Variants in NEK11 observed in about 807,000 individuals in gnomAD.
NEK11 encodes NIMA related kinase 11, also known as serine/threonine-protein kinase Nek11.
Under a neutral mutation model 80.7 loss-of-function variants are expected in NEK11, and 72 were observed. The observed-to-expected ratio is 0.89, with a 90% CI of 0.74 to 1.08. The LOEUF is 1.08. Ranked by LOEUF, NEK11 falls within the 50% of genes least tolerant of loss-of-function variation. The pLI is 0.00. For missense variants in NEK11, 764 were observed against 763.6 expected (o/e 1.00, Z -0.01); for synonymous variants, 251 against 260.7 (o/e 0.96, Z 0.36).
At chr3:131,160,557 A>T in intron 10 of NEK11, among the ~76,000 whole-genome samples, 1 of 152,198 alleles carries the variant, frequency 6.6e-6, no homozygotes, top group Non-Finnish European at 1.5e-5. Flanking sequence ...CATCATGATG[A>T]CAGGATTAAA....
At chr3:131,261,987 G>T (rs1164320109) in intron 16 of NEK11, among the ~76,000 whole-genome samples, 1 of 151,770 alleles carries the variant, frequency 6.6e-6, no homozygotes, top group Non-Finnish European at 1.5e-5. Context: ...AAACAATAAA[G>T]GATGTCAGTG....
At chr3:131,213,319 C>G (rs72989875) in intron 14 of NEK11, among the ~76,000 whole-genome samples, 13,962 of 152,084 alleles carry the variant, frequency 0.092, 2,075 homozygotes, top group African/African-American at 0.31. Context: ...TCCAGATGGC[C>G]GGTTAACAGA....
At chr3:131,285,976 C>T (rs2096465490) in intron 17 of NEK11, among the ~76,000 whole-genome samples, 1 of 152,264 alleles carries the variant, frequency 6.6e-6, no homozygotes, top group Non-Finnish European at 1.5e-5. Flanking sequence ...CTTCTCAGAG[C>T]CTCAGTTTCT....
At chr3:131,215,366 T>C (rs2094796658) in intron 14 of NEK11, among the ~76,000 whole-genome samples, 2 of 151,860 alleles carry the variant, frequency 1.3e-5, no homozygotes, top group South Asian at 4.1e-4. Flanking sequence ...GGCACACGTA[T>C]ACATATGTAA....
intron 4 of NEK11, among the ~76,000 whole-genome samples, chr3:131,108,750 G>A (rs1436175644): frequency 3.3e-5 from 5 of 151,916 alleles, no homozygotes; most frequent in African/African-American, 7.3e-5. Flanking sequence ...TTAACTAAAT[G>A]CTTAAACGAT....
chr3:131,179,651 T>A (rs1332691381), intron 14 of NEK11, among the ~76,000 whole-genome samples: 1 of 152,208 alleles, frequency 6.6e-6, no homozygotes, highest in Non-Finnish European at 1.5e-5. Flanking sequence ...AGTTTGATAT[T>A]CTTATTGGAA....
chr3:131,199,291 G>A (rs2094142917), intron 14 of NEK11, among the ~76,000 whole-genome samples: 1 of 151,858 alleles, frequency 6.6e-6, no homozygotes, highest in Admixed American at 6.6e-5. Flanking sequence ...ATGAGCAGAG[G>A]AAATTACCAA....
intron 7 of NEK11, among the ~76,000 whole-genome samples, chr3:131,138,927 T>C (rs1030787400): frequency 2.0e-5 from 3 of 152,070 alleles, no homozygotes; most frequent in African/African-American, 4.8e-5. Context: ...CAAGCCCAGA[T>C]GGTGAATACT....
rs1030026379 is a variant in NEK11, at chr3:131,121,622, G to A, written c.456-11123G>A. The stretch of plus-strand genomic sequence containing the variant: ...AGGCAGGCAGGCCTCCTTGAACTCC[G>A]GTGGGCTCCACCCAGTTTGAGCTTC... On this transcript the variant is annotated intron_variant, in intron 5 of 17. Transcript: ENST00000383366. Among the ~76,000 whole-genome samples, 9 of 152,282 alleles carry A rather than the reference G, an allele frequency of 5.9e-5. No homozygotes were observed. The South Asian group carries it at 6.2e-4, about 11-fold the overall frequency.
intron 17 of NEK11, among the ~76,000 whole-genome samples, chr3:131,290,918 A>G (rs760358333): frequency 1.3e-5 from 2 of 152,202 alleles, no homozygotes; most frequent in African/African-American, 2.4e-5. Context: ...ATTTGTTGCA[A>G]CTGATGAACC....
chr3:131,297,916 A>G (rs1184185162), intron 17 of NEK11, among the ~76,000 whole-genome samples: 13 of 152,254 alleles, frequency 8.5e-5, no homozygotes, highest in African/African-American at 3.1e-4. Flanking sequence ...TTTATTAAAT[A>G]GGGAATCCTT....
rs544796332 is a variant in NEK11, at chr3:131,208,560, G to T, written c.1400-19968G>T. ...ATCTATAAATTACCTTGGGCAGTAT[G>T]GACATTTTCACGATATTGATTCTTC... is the stretch of plus-strand genomic sequence containing the variant. On this transcript the variant is annotated intron_variant, in intron 14 of 17. Transcript: ENST00000383366. 2.0e-4 allele frequency among the ~76,000 whole-genome samples: 31 copies of T among 152,258 alleles called. No individual in the cohort carries two copies. In the South Asian group the frequency reaches 5.6e-3, roughly 28 times the overall value.
At chr3:131,049,533 T>C (rs1270330924) in intron 3 of NEK11, among the ~76,000 whole-genome samples, 1 of 152,214 alleles carries the variant, frequency 6.6e-6, no homozygotes, top group Non-Finnish European at 1.5e-5. Flanking sequence ...CTTTAATTGG[T>C]ATTTGTACTT....
intron 4 of NEK11, among the ~76,000 whole-genome samples, chr3:131,090,218 G>A (rs537367539): frequency 3.9e-5 from 6 of 152,176 alleles, no homozygotes; most frequent in Non-Finnish European, 5.9e-5. Flanking sequence ...TTTCTTTAAA[G>A]CCTCGACATT....
intron 17 of NEK11, among the ~76,000 whole-genome samples, chr3:131,296,316 CATT>C (rs1383268140): frequency 1.3e-5 from 2 of 152,052 alleles, no homozygotes; most frequent in Admixed American, 1.3e-4. Flanking sequence ...AAGCATACAT[CATT>C]GAGTACATTT....
At chr3:131,117,453 A>G (rs1387809801) in intron 5 of NEK11, among the ~76,000 whole-genome samples, 1 of 152,164 alleles carries the variant, frequency 6.6e-6, no homozygotes, top group Non-Finnish European at 1.5e-5. Flanking sequence ...TGTCTTGGCA[A>G]TGTGGGCTCT....
At chr3:131,313,583 T>G (rs183923744) in intron 17 of NEK11, among the ~76,000 whole-genome samples, 8 of 152,332 alleles carry the variant, frequency 5.3e-5, no homozygotes, top group African/African-American at 1.7e-4. Flanking sequence ...ATCTTGAGTT[T>G]TTTTTCATAT....
chr3:131,103,424 G>A (rs181528441), intron 4 of NEK11, among the ~76,000 whole-genome samples: 1 of 152,318 alleles, frequency 6.6e-6, no homozygotes, highest in East Asian at 1.9e-4. Context: ...CTTATAGGGG[G>A]TTATATTAGC....
At chr3:131,080,039 T>TTGTGTGTG (rs34144326) in intron 3 of NEK11, among the ~76,000 whole-genome samples, 6,418 of 148,878 alleles carry the variant, frequency 0.043, 137 homozygotes, top group East Asian at 0.066. Flanking sequence ...GTGTGTGTGT[T>TTGTGTGTG]TGTGTGTGTG....
Sources: gnomAD v4.1 joint callset for allele counts (sites outside exome capture counted in the v4.1 genomes callset) on GRCh38, gnomAD v4.1.1 for gene constraint, MANE v1.5 for transcripts, NCBI Gene and HGNC (gene_info 2026-07-23, HGNC 2026-07-21) for gene names.